Variants in SPAG16 observed in about 807,000 individuals in gnomAD.
SPAG16 encodes sperm associated antigen 16.
In SPAG16, 86 loss-of-function variants were observed where a neutral mutation model predicts 80.4. That is an observed-to-expected ratio of 1.07 (90% CI 0.90 to 1.28). The LOEUF is 1.28. Among genes scored for constraint, SPAG16 ranks in the 50% most tolerant of loss-of-function variants. SPAG16 has a pLI of 0.00. For missense variants in SPAG16, 870 were observed against 765.3 expected, an observed-to-expected ratio of 1.14 and a Z score of -1.61; for synonymous variants, 294 against 265.9, an observed-to-expected ratio of 1.11 and a Z score of -1.03.
chr2:213,542,637 A>G (rs73988538), intron 10 of SPAG16, among the ~76,000 whole-genome samples: 13,087 of 152,200 alleles, frequency 0.086, 1,412 homozygotes, highest in African/African-American at 0.25. Flanking sequence ...AATACTAAGT[A>G]TAAGAATATT....
chr2:213,697,435 A>C (rs552886179), intron 10 of SPAG16, among the ~76,000 whole-genome samples: 1 of 152,310 alleles, frequency 6.6e-6, no homozygotes, highest in African/African-American at 2.4e-5. Context: ...ATGGTCCCCA[A>C]AGATATTCAG....
At chr2:214,028,912 G>A (rs576637260) in intron 13 of SPAG16, among the ~76,000 whole-genome samples, 11 of 152,004 alleles carry the variant, frequency 7.2e-5, no homozygotes, top group African/African-American at 2.4e-4. Context: ...AATGCCTAAC[G>A]TGTAGCAGGG....
chr2:214,387,713 C>A (rs142648612), intron 15 of SPAG16, among the ~76,000 whole-genome samples: 4 of 152,278 alleles, frequency 2.6e-5, no homozygotes, highest in African/African-American at 7.2e-5. Context: ...GAAGGGGAAG[C>A]AAACACATCC....
At chr2:214,101,526 C>T (rs1289777380) in intron 13 of SPAG16, among the ~76,000 whole-genome samples, 1 of 151,942 alleles carries the variant, frequency 6.6e-6, no homozygotes, top group Non-Finnish European at 1.5e-5. Context: ...ATGTCATTTC[C>T]ATTCACCACT....
chr2:214,251,084 C>T, intron 15 of SPAG16, among the ~76,000 whole-genome samples: 1 of 151,150 alleles, frequency 6.6e-6, no homozygotes. Context: ...TTTCTTTTTC[C>T]CTTACCTGGG....
chr2:214,331,681 C>G lies in SPAG16; in HGVS notation c.1721-78459C>G, dbSNP rs939756420. Among the ~76,000 whole-genome samples the G allele has an allele frequency of 2.6e-5, 4 of 152,206 alleles. No homozygotes were observed. The East Asian group carries it at 5.8e-4, about 22-fold the overall frequency. On this transcript the variant is annotated intron_variant, in intron 15 of 15. Transcript: ENST00000331683. The stretch of plus-strand genomic sequence containing the variant: ...GTCCAAGCAAAATATTCTCTCTAAT[C>G]TGGCCTCCTCAAAAGGCCATCCCAG...
intron 13 of SPAG16, among the ~76,000 whole-genome samples, chr2:214,058,616 A>G (rs2050066164): frequency 6.6e-6 from 1 of 152,060 alleles, no homozygotes; most frequent in African/African-American, 2.4e-5. Context: ...GCTGACAGAC[A>G]CTGTCTACAC....
chr2:213,668,237 C>A (rs1484562741), intron 10 of SPAG16, among the ~76,000 whole-genome samples: 1 of 151,600 alleles, frequency 6.6e-6, no homozygotes, highest in Non-Finnish European at 1.5e-5. Context: ...TCATGCCTGG[C>A]CAAAATTCTA....
Position 213,350,588 on chromosome 2 carries a change from C to T in SPAG16, c.705C>T (p.His235=). 1 of 1,604,448 alleles carries T rather than the reference C, an allele frequency of 6.2e-7. No homozygotes were observed. Among genetic ancestry groups the T allele is most frequent in the South Asian group, 1.1e-5 (1 of 88,676 alleles). ...TAAGGGTGTTACATGAGAAACACCA[C>T]ACTTTACTGAAGGAGAAAATGCTGA... ...PTIRVLHEKH[H]TLLKEKMLTS... is the part of the protein sequence containing the mutation. Residue 235 remains histidine (H), a synonymous_variant, in exon 7 of 16, where the codon CAC becomes CAT. Transcript: ENST00000331683.
intron 9 of SPAG16, among the ~76,000 whole-genome samples, chr2:213,435,971 G>C (rs1164380109): frequency 6.6e-6 from 1 of 152,100 alleles, no homozygotes; most frequent in Non-Finnish European, 1.5e-5. Context: ...ATATTCCCCA[G>C]ATATTCCTTT....
chr2:213,460,398 C>T (rs561614679), intron 9 of SPAG16, among the ~76,000 whole-genome samples: 1 of 152,298 alleles, frequency 6.6e-6, no homozygotes, highest in Non-Finnish European at 1.5e-5. Context: ...TATATCCATA[C>T]CAGGGCCTCT....
chr2:214,266,535 G>T (rs1691586356), intron 15 of SPAG16, among the ~76,000 whole-genome samples: 1 of 151,730 alleles, frequency 6.6e-6, no homozygotes, highest in Non-Finnish European at 1.5e-5. Flanking sequence ...GTGAAAAGTT[G>T]AAAGCTTTTT....
At chr2:214,294,496 C>G (rs2125937183) in intron 15 of SPAG16, among the ~76,000 whole-genome samples, 1 of 152,278 alleles carries the variant, frequency 6.6e-6, no homozygotes, top group South Asian at 2.1e-4. Flanking sequence ...ATAATAGCTG[C>G]ATCTAGTCAA....
At chr2:213,999,709 T>C (rs2046697527) in intron 12 of SPAG16, among the ~76,000 whole-genome samples, 2 of 152,252 alleles carry the variant, frequency 1.3e-5, no homozygotes, top group Non-Finnish European at 2.9e-5. Context: ...AGAGAGAGGC[T>C]GTACCCTGCA....
intron 14 of SPAG16, among the ~76,000 whole-genome samples, chr2:214,122,039 A>G: frequency 6.6e-6 from 1 of 151,782 alleles, no homozygotes; most frequent in African/African-American, 2.4e-5. Flanking sequence ...ATTTGTTTTC[A>G]AATAAGTAGA....
In SPAG16 at chr2:213,350,615, C is replaced by A. The variant is rs201954949; in HGVS notation, c.732C>A (p.Thr244=). Residue 244 remains threonine (T), a synonymous_variant, in exon 7 of 16, where the codon ACC becomes ACA. Coordinates refer to ENST00000331683, the MANE Select transcript of SPAG16 (RefSeq NM_024532.5). ...HHTLLKEKML[T]SLERDKVVGQ... is the part of the protein sequence containing the mutation. Reference sequence around the variant, plus strand: ...CTTTACTGAAGGAGAAAATGCTGACCTCCTTGGAAAGAGACAAAGTAGTTG... The same window carrying A: ...CTTTACTGAAGGAGAAAATGCTGACATCCTTGGAAAGAGACAAAGTAGTTG... 4.4e-5 allele frequency: 71 copies of A among 1,600,678 alleles called. No individual in the cohort carries two copies. The highest frequency in any genetic ancestry group is 3.9e-4 in the Admixed American group (22 of 56,862).
intron 12 of SPAG16, among the ~76,000 whole-genome samples, chr2:213,948,074 T>C (rs2079551895): frequency 6.6e-6 from 1 of 152,148 alleles, no homozygotes; most frequent in Non-Finnish European, 1.5e-5. Context: ...AATTTATTCC[T>C]GTTATTTACT....
intron 8 of SPAG16, among the ~76,000 whole-genome samples, chr2:213,370,086 A>T (rs1359092542): frequency 6.6e-6 from 1 of 152,148 alleles, no homozygotes; most frequent in African/African-American, 2.4e-5. Flanking sequence ...CTAATATTTT[A>T]TGTTAAAGTA....
intron 10 of SPAG16, among the ~76,000 whole-genome samples, chr2:213,731,020 G>A (rs191422022): frequency 4.6e-5 from 7 of 151,574 alleles, no homozygotes; most frequent in African/African-American, 1.5e-4. Flanking sequence ...GTTTCTTAGA[G>A]TTTTCATCTC....
Sources: gnomAD v4.1 joint callset for allele counts (sites outside exome capture counted in the v4.1 genomes callset) on GRCh38, gnomAD v4.1.1 for gene constraint, MANE v1.5 for transcripts, NCBI Gene and HGNC (gene_info 2026-07-23, HGNC 2026-07-21) for gene names.